MAP3K19: variants seen among roughly 807,000 people sequenced by gnomAD.
MAP3K19 encodes the protein mitogen-activated protein kinase kinase kinase 19.
In MAP3K19, 91 loss-of-function variants were observed where a neutral mutation model predicts 114.4. The observed-to-expected ratio is 0.80, with a 90% CI of 0.67 to 0.95. The LOEUF (loss-of-function observed/expected upper bound fraction) is 0.95, where lower values mean the gene tolerates loss of function less well. MAP3K19 is among the 40% of genes least tolerant of loss of function. MAP3K19 has a pLI of 0.00. For missense variants in MAP3K19, 1,471 were observed against 1,573.2 expected (o/e 0.94, Z 1.10); for synonymous variants, 518 against 530.5 (o/e 0.98, Z 0.32).
rs1558744606 is a variant in MAP3K19 at position 135,033,360 on chromosome 2, G to A, written c.-283-2860C>T. On this transcript the variant is annotated intron_variant, in intron 2 of 12. Coordinates refer to ENST00000392915, the MANE Select transcript of MAP3K19 (RefSeq NM_025052.5). ...CACCTCCCGGACGGGGCAGCTGGCC[G>A]GGTGGGGGGCTGACCCCCCCCACTG... 4.2e-5 allele frequency among the ~76,000 whole-genome samples: 5 copies of A among 118,364 alleles called. 1 individual carries two copies. Among genetic ancestry groups the A allele is most frequent in the East Asian group, 5.4e-4 (2 of 3,718 alleles). The allele number at this position is 118,364 out of a possible 152,430, so 77.7% of individuals were successfully genotyped here. A position where few individuals can be genotyped will look rare whatever the true frequency, so the allele number is the denominator to read the frequency against.
chr2:135,016,093 A>G (rs1687570693), intron 5 of MAP3K19, among the ~76,000 whole-genome samples: 1 of 152,082 alleles, frequency 6.6e-6, no homozygotes, highest in Non-Finnish European at 1.5e-5. Flanking sequence ...TCTACCAAAA[A>G]CAAATTGAAA....
At chr2:135,015,841 C>T (rs1281486941) in intron 5 of MAP3K19, among the ~76,000 whole-genome samples, 1 of 151,294 alleles carries the variant, frequency 6.6e-6, no homozygotes, top group African/African-American at 2.4e-5. Context: ...TGCAGTGAGC[C>T]GAGATTGCAC....
chr2:135,039,005 AG>A (rs1688590809), intron 2 of MAP3K19, among the ~76,000 whole-genome samples: 2 of 152,272 alleles, frequency 1.3e-5, no homozygotes, highest in Admixed American at 1.3e-4. Flanking sequence ...ATGGTTAGCC[AG>A]GGTGGGGGAT....
At chr2:135,008,419 C>G (rs1044393888) in intron 5 of MAP3K19, among the ~76,000 whole-genome samples, 1 of 152,200 alleles carries the variant, frequency 6.6e-6, no homozygotes, top group African/African-American at 2.4e-5. Flanking sequence ...CCACGCTCAG[C>G]CAATAGTACT....
At position 134,987,312 on chromosome 2, in the gene MAP3K19, T is replaced by C. The variant is rs1685210775; in HGVS notation, c.1560A>G (p.Ile520Met). 6.2e-7 allele frequency: 1 copy of C among 1,614,090 alleles called. No homozygotes were observed. Among genetic ancestry groups the C allele is most frequent in the Non-Finnish European group, 8.5e-7 (1 of 1,180,042 alleles). Reference protein sequence around the residue: ...GTIHNNHSVNIPVHQENDKHK... With the variant: ...GTIHNNHSVNMPVHQENDKHK... ...GCTTGTCATTTTCTTGGTGTACAGGTATGTTGACACTATGGTTGTTATGAA... is the reference window on the plus strand; with the variant it reads ...GCTTGTCATTTTCTTGGTGTACAGGCATGTTGACACTATGGTTGTTATGAA... The change falls in exon 10 of 13, where the codon ATA (isoleucine) becomes ATG (methionine). Residue 520 changes from isoleucine (I) to methionine (M), a missense_variant. Transcript: ENST00000392915.
intron 2 of MAP3K19, among the ~76,000 whole-genome samples, chr2:135,031,579 T>G (rs1688381680): frequency 6.6e-6 from 1 of 152,098 alleles, no homozygotes; most frequent in Admixed American, 6.5e-5. Context: ...CAGTGAAAGA[T>G]TTTCCTCAGG....
chr2:134,981,169 T>A lies in MAP3K19; in HGVS notation c.3572A>T (p.Asn1191Ile), dbSNP rs1242471903. Reference sequence around the variant, plus strand: ...TATTCCAGTTGGCATGAGCATAACATTATTTCCTTTGATATCGCGATGTAC... The same window carrying A: ...TATTCCAGTTGGCATGAGCATAACAATATTTCCTTTGATATCGCGATGTAC... ...CVVHRDIKGN[N>I]VMLMPTGIIK... The change falls in exon 12 of 13, where the codon AAT becomes ATT. Residue 1191 changes from asparagine to isoleucine, a missense_variant. Asn to Ile is a moderately radical substitution (Grantham distance 149). Coordinates refer to ENST00000392915, the MANE Select transcript of MAP3K19 (RefSeq NM_025052.5). The A allele has an allele frequency of 2.5e-6, 4 of 1,614,042 alleles. No individual in the cohort carries two copies. The African/African-American group carries it at 5.3e-5, about 22-fold the overall frequency.
chr2:135,044,928 T>C (rs1436774926), intron 1 of MAP3K19, among the ~76,000 whole-genome samples: 1 of 152,240 alleles, frequency 6.6e-6, no homozygotes, highest in Non-Finnish European at 1.5e-5. Flanking sequence ...TAATTATTTG[T>C]TAACACTTTG....
Position 135,004,538 on chromosome 2 carries a change from C to G in MAP3K19, c.235+897G>C, listed in dbSNP as rs142079817. On this transcript the variant is annotated intron_variant, in intron 6 of 12. Transcript: ENST00000392915. ...CACGGGCATCAAAGAGGGCGGCTTC[C>G]CTGGAGTGCTAGAAATAGAAGCCAG... is the stretch of plus-strand genomic sequence containing the variant. Among the ~76,000 whole-genome samples, 33 of 152,222 alleles carry G rather than the reference C, an allele frequency of 2.2e-4. No homozygotes were observed. In the East Asian group the frequency reaches 6.2e-3, roughly 29 times the overall value.
intron 12 of MAP3K19, among the ~76,000 whole-genome samples, chr2:134,968,408 G>A (rs1369788248): frequency 6.7e-6 from 1 of 149,436 alleles, no homozygotes; most frequent in African/African-American, 2.5e-5. Context: ...GCCGGGCAGA[G>A]GGGCTCCTCA....
At chr2:135,024,406 C>T (rs1688171554) in intron 4 of MAP3K19, among the ~76,000 whole-genome samples, 1 of 152,186 alleles carries the variant, frequency 6.6e-6, no homozygotes, top group Non-Finnish European at 1.5e-5. Flanking sequence ...GTGATGTGCC[C>T]CTGACCATGC....
rs187731798 is a variant in MAP3K19, at chr2:135,038,438, T to C, written c.-284+1925A>G. 2.2e-3 allele frequency among the ~76,000 whole-genome samples: 329 copies of C among 151,194 alleles called. 3 individuals carry two copies. The highest frequency in any genetic ancestry group is 6.9e-4 in the Non-Finnish European group (47 of 67,794). ...AGGCCTGAGCCACCATGACCAGCCA[T>C]GTTCCTGCATAACTTGCTGCTTCTG... On this transcript the variant is annotated intron_variant, in intron 2 of 12. Transcript: ENST00000392915.
intron 12 of MAP3K19, 56 bp downstream of exon 12, chr2:134,980,765 C>A: frequency 6.7e-7 from 1 of 1,499,724 alleles, no homozygotes; most frequent in South Asian, 1.2e-5. Context: ...AGGGAAATGT[C>A]TGCCACTTGG....
chr2:134,979,953 G>C (rs1038644541), intron 12 of MAP3K19, among the ~76,000 whole-genome samples: 2 of 152,220 alleles, frequency 1.3e-5, no homozygotes, highest in African/African-American at 4.8e-5. Flanking sequence ...GTTGCCATAT[G>C]TGCTTGCTAA....
chr2:135,035,712 C>T (rs1688510803), intron 2 of MAP3K19, among the ~76,000 whole-genome samples: 2 of 152,186 alleles, frequency 1.3e-5, no homozygotes, highest in Admixed American at 6.5e-5. Context: ...TTGAAAATGG[C>T]TTTGCATGCC....
chr2:134,985,900 AT>A lies in MAP3K19; in HGVS notation c.2971del (p.Met991TrpfsTer10). On this transcript the variant is annotated frameshift_variant, in exon 10 of 13. Transcript: ENST00000392915. LOFTEE classifies it high-confidence loss of function. ...DEKDNNSCQK[M>X]ANETDPENLN... is the part of the protein sequence containing the mutation. ...GTTTTCAGGATCTGTTTCATTTGCC[AT>A]TTTTTGGCAAGAGTTGTTATCTTTC... 6.2e-7 allele frequency: 1 copy of A among 1,613,962 alleles called. No homozygotes were observed. The highest frequency in any genetic ancestry group is 1.1e-5 in the South Asian group (1 of 91,066).
chr2:135,038,777 G>A (rs552225113), intron 2 of MAP3K19, among the ~76,000 whole-genome samples: 1 of 151,938 alleles, frequency 6.6e-6, no homozygotes, highest in African/African-American at 2.4e-5. Flanking sequence ...AGAATCGCTT[G>A]AGCCCAGGAG....
rs201468138 is a variant in MAP3K19 at position 134,986,943 on chromosome 2, A to G, written c.1929T>C (p.Asp643=). The change falls in exon 10 of 13, where the codon GAT becomes GAC. Residue 643 remains aspartate, a synonymous_variant. Coordinates refer to ENST00000392915, the MANE Select transcript of MAP3K19 (RefSeq NM_025052.5). ...CTTTGAACATATCACTATACTTAAG[A>G]TCTAGGTAATTTAGTCTTGGCTCTG... ...QPTEPRLNYL[D]LKYSDMFKEI... 1.7e-5 allele frequency: 28 copies of G among 1,614,040 alleles called. No individual in the cohort carries two copies. The South Asian group carries it at 2.0e-4, about 11-fold the overall frequency.
At chr2:134,994,086 A>G (rs1553540932) in intron 8 of MAP3K19, among the ~76,000 whole-genome samples, 2 of 152,224 alleles carry the variant, frequency 1.3e-5, no homozygotes, top group African/African-American at 2.4e-5. Flanking sequence ...CTTTTCTCCA[A>G]TCCCTCCACA....
Sources: gnomAD v4.1 joint callset for allele counts (sites outside exome capture counted in the v4.1 genomes callset) on GRCh38, gnomAD v4.1.1 for gene constraint, MANE v1.5 for transcripts, NCBI Gene and HGNC (gene_info 2026-07-23, HGNC 2026-07-21) for gene names.